Variants in ATG10 observed in about 807,000 individuals in gnomAD.
ATG10 encodes the protein autophagy related 10.
In ATG10, 30 loss-of-function variants were observed where a neutral mutation model predicts 32.1. The observed-to-expected ratio is 0.94, with a 90% confidence interval of 0.70 to 1.27. ATG10 has a LOEUF of 1.27. ATG10 is among the 50% of genes most tolerant of loss of function. The pLI, the probability that ATG10 is intolerant of heterozygous loss-of-function variation, is 0.00. For synonymous variants in ATG10, 87 were observed against 91.5 expected (o/e 0.95, Z 0.28); for missense variants, 233 against 262.3 (o/e 0.89, Z 0.77).
chr5:82,172,741 GC>G (rs2149913397), intron 4 of ATG10, among the ~76,000 whole-genome samples: 1 of 152,216 alleles, frequency 6.6e-6, no homozygotes, highest in African/African-American at 2.4e-5. Context: ...TTATATGCAA[GC>G]AAAAGAAAGT....
At chr5:81,996,845 A>T (rs1290987234) in intron 2 of ATG10, among the ~76,000 whole-genome samples, 1 of 152,132 alleles carries the variant, frequency 6.6e-6, no homozygotes, top group African/African-American at 2.4e-5. Context: ...GTGAATAATA[A>T]CAGTTACCAT....
At chr5:82,008,238 CTAGA>C (rs908899899) in intron 2 of ATG10, among the ~76,000 whole-genome samples, 5 of 152,000 alleles carry the variant, frequency 3.3e-5, no homozygotes, top group African/African-American at 7.2e-5. Flanking sequence ...CCAGATGTCA[CTAGA>C]TAAAGATTAA....
At chr5:82,083,660 T>C (rs926702554) in intron 3 of ATG10, among the ~76,000 whole-genome samples, 2 of 152,136 alleles carry the variant, frequency 1.3e-5, no homozygotes, top group Non-Finnish European at 2.9e-5. Flanking sequence ...GGCAGCAACG[T>C]CTGCCGTTCT....
chr5:82,005,799 C>T (rs763068557), intron 2 of ATG10, among the ~76,000 whole-genome samples: 65 of 152,198 alleles, frequency 4.3e-4, no homozygotes, highest in Non-Finnish European at 7.5e-4. Context: ...GAAGAGAGAA[C>T]GTTCAGATTG....
At chr5:82,002,942 T>A (rs1761890590) in intron 2 of ATG10, among the ~76,000 whole-genome samples, 1 of 152,102 alleles carries the variant, frequency 6.6e-6, no homozygotes, top group Non-Finnish European at 1.5e-5. Flanking sequence ...AAAATAAAAG[T>A]TCAAAAAAAC....
chr5:81,994,623 A>G (rs538259330), intron 2 of ATG10, among the ~76,000 whole-genome samples: 1 of 152,314 alleles, frequency 6.6e-6, no homozygotes, highest in South Asian at 2.1e-4. Context: ...TAAGTTGTTT[A>G]GAAGTAAGCA....
chr5:82,020,750 AC>A (rs1421414911), intron 2 of ATG10, among the ~76,000 whole-genome samples: 2 of 152,154 alleles, frequency 1.3e-5, no homozygotes, highest in Non-Finnish European at 2.9e-5. Flanking sequence ...ATACTCAAGT[AC>A]TTTTTTAGAC....
intron 2 of ATG10, among the ~76,000 whole-genome samples, chr5:82,041,018 A>C (rs1320477873): frequency 2.0e-5 from 3 of 152,178 alleles, no homozygotes; most frequent in Admixed American, 1.3e-4. Context: ...AAGACTTATG[A>C]GAGGGTTTTT....
chr5:82,102,160 T>C (rs1299062962), intron 3 of ATG10, among the ~76,000 whole-genome samples: 1 of 152,206 alleles, frequency 6.6e-6, no homozygotes, highest in African/African-American at 2.4e-5. Context: ...ATAGATACAT[T>C]TTAAGATTTG....
chr5:82,244,205 T>A (rs1746924673), intron 5 of ATG10, among the ~76,000 whole-genome samples: 1 of 152,212 alleles, frequency 6.6e-6, no homozygotes, highest in Non-Finnish European at 1.5e-5. Context: ...ATTGCTCTTA[T>A]AATTTTATGA....
intron 3 of ATG10, among the ~76,000 whole-genome samples, chr5:82,120,550 T>G (rs1374937673): frequency 6.6e-6 from 1 of 152,204 alleles, no homozygotes; most frequent in Non-Finnish European, 1.5e-5. Flanking sequence ...GGAAGTGACT[T>G]GATTAAGTGG....
chr5:82,195,527 C>T (rs570662445), intron 5 of ATG10, among the ~76,000 whole-genome samples: 5 of 152,132 alleles, frequency 3.3e-5, no homozygotes, highest in Non-Finnish European at 5.9e-5. Context: ...CACGAGTTTA[C>T]GTGTGCTCCC....
At chr5:82,074,808 G>A (rs1764224372) in intron 3 of ATG10, among the ~76,000 whole-genome samples, 1 of 152,170 alleles carries the variant, frequency 6.6e-6, no homozygotes, top group Non-Finnish European at 1.5e-5. Context: ...AACACTTTAT[G>A]TTAAGTTTGA....
chr5:82,052,352 C>T (rs16899344), intron 2 of ATG10, among the ~76,000 whole-genome samples: 6,600 of 152,170 alleles, frequency 0.043, 476 homozygotes, highest in African/African-American at 0.15. Flanking sequence ...CAGACCCAAA[C>T]GTGTTCTATC....
rs1747409949 is a variant in ATG10, at chr5:82,254,925, T to TGTGG, written c.*866_*869dup. ...GTGTGTGTGTGTGTGTGTGTGTATGTGTGGGTGTTTGTGTAGATAGTTGTA... is the reference window on the plus strand; with the variant it reads ...GTGTGTGTGTGTGTGTGTGTGTATGTGTGGGTGGGTGTTTGTGTAGATAGTTGTA... On this transcript the variant is annotated 3_prime_UTR_variant, in exon 8 of 8. Transcript: ENST00000282185. 6.6e-6 allele frequency: 1 copy of TGTGG among 152,124 alleles called. No homozygotes were observed. The highest frequency in any genetic ancestry group is 1.9e-4 in the East Asian group (1 of 5,168). 9.4% of individuals were successfully genotyped at this position (152,124 alleles called of 1,614,324 possible). A position where few individuals can be genotyped will look rare whatever the true frequency, so the allele number is the denominator to read the frequency against.
intron 5 of ATG10, among the ~76,000 whole-genome samples, chr5:82,180,125 G>T (rs1446737557): frequency 2.0e-5 from 3 of 152,124 alleles, no homozygotes; most frequent in Non-Finnish European, 4.4e-5. Flanking sequence ...TTCTCCGAGG[G>T]CCTATGGGAT....
chr5:82,214,196 T>C (rs1745592362), intron 5 of ATG10, among the ~76,000 whole-genome samples: 1 of 152,212 alleles, frequency 6.6e-6, no homozygotes, highest in Non-Finnish European at 1.5e-5. Context: ...GAATACATCA[T>C]AATCACAAAT....
At chr5:81,999,351 C>CA (rs1485244997) in intron 2 of ATG10, among the ~76,000 whole-genome samples, 4 of 152,084 alleles carry the variant, frequency 2.6e-5, no homozygotes, top group African/African-American at 9.7e-5. Flanking sequence ...AAAGATATAA[C>CA]ATACCAGAAT....
intron 2 of ATG10, among the ~76,000 whole-genome samples, chr5:82,044,908 G>A (rs1411109804): frequency 6.6e-6 from 1 of 152,166 alleles, no homozygotes; most frequent in Non-Finnish European, 1.5e-5. Context: ...TGAGGATCTT[G>A]AGAATTATTT....
Sources: allele counts gnomAD v4.1 joint callset (sites outside exome capture counted in the v4.1 genomes callset), GRCh38; gene constraint gnomAD v4.1.1; transcripts MANE v1.5; gene names NCBI Gene and HGNC (gene_info 2026-07-23, HGNC 2026-07-21).